Variants in RBFOX1 observed in about 807,000 individuals in gnomAD.
RBFOX1 encodes RNA binding fox-1 homolog 1, also known as RNA binding protein fox-1 homolog 1.
RBFOX1 carries 8 observed loss-of-function variants against 57.7 expected under a neutral mutation model. The observed-to-expected ratio is 0.14, with a 90% CI of 0.08 to 0.25. The LOEUF is 0.25. Among genes scored for constraint, RBFOX1 ranks in the 10% least tolerant of loss-of-function variants. The pLI is 1.00. For missense variants in RBFOX1, 611 were observed against 548.5 expected (o/e 1.11, Z -1.14); for synonymous variants, 326 against 222.4 (o/e 1.47, Z -4.15).
chr16:7,705,621 G>T (rs1176638879), intron 14 of RBFOX1, among the ~76,000 whole-genome samples: 2 of 152,210 alleles, frequency 1.3e-5, no homozygotes, highest in African/African-American at 4.8e-5. Flanking sequence ...TTTATTCTAG[G>T]ATCAATGGAA....
intron 3 of RBFOX1, among the ~76,000 whole-genome samples, chr16:5,739,648 C>T (rs58188995): frequency 1.0e-3 from 153 of 152,216 alleles, no homozygotes; most frequent in African/African-American, 2.9e-3. Context: ...AAAAAACTTA[C>T]GCTTTGGCAT....
intron 3 of RBFOX1, among the ~76,000 whole-genome samples, chr16:5,825,151 C>G (rs901185684): frequency 1.3e-5 from 2 of 152,180 alleles, no homozygotes; most frequent in Admixed American, 1.3e-4. Context: ...CCCTCGTTGC[C>G]CAGGTTTAAG....
chr16:6,544,168 A>T (rs2096862960), intron 2 of RBFOX1, among the ~76,000 whole-genome samples: 1 of 152,190 alleles, frequency 6.6e-6, no homozygotes, highest in East Asian at 1.9e-4. Context: ...CACGGTGCTC[A>T]TCCCAGGGGC....
Position 7,640,818 on chromosome 16 carries a change from T to C in RBFOX1, c.757+10135T>C, listed in dbSNP as rs189800808. Reference sequence around the variant, plus strand: ...ATCAGAGTCAAGAGAAATCCTTCAATAGTTTGAGAGGCTTATTTTGAGAGT... The same window carrying C: ...ATCAGAGTCAAGAGAAATCCTTCAACAGTTTGAGAGGCTTATTTTGAGAGT... On this transcript the variant is annotated intron_variant, in intron 11 of 15. Transcript: ENST00000550418. Among the ~76,000 whole-genome samples the C allele has an allele frequency of 2.7e-3, 414 of 151,990 alleles. 4 individuals carry two copies. Among genetic ancestry groups the C allele is most frequent in the African/African-American group, 9.6e-3 (396 of 41,434 alleles).
intron 3 of RBFOX1, among the ~76,000 whole-genome samples, chr16:6,679,765 C>G (rs2058331344): frequency 2.0e-5 from 3 of 151,874 alleles, no homozygotes; most frequent in Non-Finnish European, 4.4e-5. Flanking sequence ...GTGCATGTAA[C>G]TTCCCTTCCT....
intron 2 of RBFOX1, among the ~76,000 whole-genome samples, chr16:6,639,179 G>A (rs182431618): frequency 1.1e-3 from 167 of 152,322 alleles, no homozygotes; most frequent in African/African-American, 3.8e-3. Context: ...CGCTAGCTCT[G>A]TTGACCTTCA....
chr16:6,682,205 A>G (rs1481196869), intron 3 of RBFOX1, among the ~76,000 whole-genome samples: 2 of 152,198 alleles, frequency 1.3e-5, no homozygotes, highest in Non-Finnish European at 2.9e-5. Context: ...TTAAAACAAC[A>G]ACAGCAACGA....
intron 2 of RBFOX1, among the ~76,000 whole-genome samples, chr16:6,386,749 T>G (rs1238465543): frequency 6.6e-6 from 1 of 152,194 alleles, no homozygotes; most frequent in Non-Finnish European, 1.5e-5. Flanking sequence ...TGGAATAGTT[T>G]AGGTAGGGGA....
At chr16:6,152,908 A>G (rs1007471665) in intron 1 of RBFOX1, among the ~76,000 whole-genome samples, 11 of 152,176 alleles carry the variant, frequency 7.2e-5, no homozygotes, top group Non-Finnish European at 1.3e-4. Flanking sequence ...CAGAAAGGAA[A>G]TAAGTCGATG....
chr16:6,934,685 A>G (rs890145830), intron 3 of RBFOX1, among the ~76,000 whole-genome samples: 1 of 148,550 alleles, frequency 6.7e-6, no homozygotes, highest in Non-Finnish European at 1.5e-5. Context: ...TGGGAGTTAA[A>G]AAATATGATC....
chr16:7,044,184 G>A (rs576583306), intron 3 of RBFOX1, among the ~76,000 whole-genome samples: 14 of 152,024 alleles, frequency 9.2e-5, no homozygotes, highest in Non-Finnish European at 1.8e-4. Flanking sequence ...TGCATGTGTG[G>A]GTATGGGTGT....
rs1491558284 is a variant in RBFOX1 at position 7,062,892 on chromosome 16, C to CTTTTTTTTTTTTTTTTTTTTTTTTTTT, written c.27+10794_27+10795insTTTTTTTTTTTTTTTTTTTTTTTTTTT. 2.8e-4 allele frequency among the ~76,000 whole-genome samples: 17 copies of CTTTTTTTTTTTTTTTTTTTTTTTTTTT among 59,932 alleles called. 7 individuals carry two copies. Among genetic ancestry groups the CTTTTTTTTTTTTTTTTTTTTTTTTTTT allele is most frequent in the Admixed American group, 2.4e-4 (1 of 4,238 alleles). 39.3% of individuals were successfully genotyped at this position (59,932 alleles called of 152,430 possible). ...TACCTCATCTCATTCAAATGATCGC[C>CTTTTTTTTTTTTTTTTTTTTTTTTTTT]ATTTTTTTTTTTTTTTTTTTTTTTT... On this transcript the variant is annotated intron_variant, in intron 4 of 15. Coordinates refer to ENST00000550418, the MANE Select transcript of RBFOX1 (RefSeq NM_018723.4).
chr16:7,361,730 A>T (rs936699623), intron 4 of RBFOX1, among the ~76,000 whole-genome samples: 1 of 152,220 alleles, frequency 6.6e-6, no homozygotes, highest in Non-Finnish European at 1.5e-5. Context: ...CATGCTGGTG[A>T]AAGTAGGCAA....
At chr16:7,563,915 G>A (rs1251755655) in intron 5 of RBFOX1, among the ~76,000 whole-genome samples, 3 of 152,054 alleles carry the variant, frequency 2.0e-5, no homozygotes, top group Non-Finnish European at 4.4e-5. Context: ...GTACCACCGG[G>A]GCCTGATGTA....
At chr16:6,738,906 T>C (rs897836865) in intron 3 of RBFOX1, among the ~76,000 whole-genome samples, 1 of 152,180 alleles carries the variant, frequency 6.6e-6, no homozygotes, top group African/African-American at 2.4e-5. Context: ...AAATGAAGTC[T>C]CATAATACAT....
At chr16:6,913,044 G>C (rs1049664542) in intron 3 of RBFOX1, among the ~76,000 whole-genome samples, 1 of 152,038 alleles carries the variant, frequency 6.6e-6, no homozygotes, top group African/African-American at 2.4e-5. Flanking sequence ...GCTTCTGATG[G>C]GTGGAAAAGA....
At chr16:7,608,027 G>A (rs902808918) in intron 10 of RBFOX1, among the ~76,000 whole-genome samples, 1 of 152,176 alleles carries the variant, frequency 6.6e-6, no homozygotes, top group Non-Finnish European at 1.5e-5. Flanking sequence ...CCTCGGCTTG[G>A]CCCGTCACTA....
Position 6,545,643 on chromosome 16 carries a change from G to GTGGT in RBFOX1, c.-63-108959_-63-108956dup, listed in dbSNP as rs1270042732. ...CTGTACTAATTGCAGATTTATTGAT[G>GTGGT]TGGTGCTTGTTAAGTTACTCACCAT... On this transcript the variant is annotated intron_variant, in intron 2 of 15. Transcript: ENST00000550418. 1.3e-5 allele frequency among the ~76,000 whole-genome samples: 2 copies of GTGGT among 152,210 alleles called. 1 individual carries two copies. Among genetic ancestry groups the GTGGT allele is most frequent in the Non-Finnish European group, 2.9e-5 (2 of 68,036 alleles).
At chr16:7,595,030 A>C (rs2094615490) in intron 7 of RBFOX1, among the ~76,000 whole-genome samples, 1 of 152,166 alleles carries the variant, frequency 6.6e-6, no homozygotes, top group Non-Finnish European at 1.5e-5. Flanking sequence ...AGAACTGACA[A>C]ATTTGAATAA....
Sources: gnomAD v4.1 joint callset for allele counts (sites outside exome capture counted in the v4.1 genomes callset) on GRCh38, gnomAD v4.1.1 for gene constraint, MANE v1.5 for transcripts, NCBI Gene and HGNC (gene_info 2026-07-23, HGNC 2026-07-21) for gene names.